The following LTV1 variants were observed in gnomAD, a reference collection of about 807,000 sequenced individuals.
LTV1 encodes protein LTV1 homolog.
LTV1 carries 39 observed loss-of-function variants against 59.9 expected under a neutral mutation model. The ratio of observed to expected loss-of-function variants is 0.65; its 90% CI spans 0.50 to 0.85. The LOEUF (loss-of-function observed/expected upper bound fraction) is 0.85, where lower values mean the gene tolerates loss of function less well. Ranked by LOEUF, LTV1 falls within the 40% of genes least tolerant of loss-of-function variation. The pLI, the probability that LTV1 is intolerant of heterozygous loss-of-function variation, is 0.00. For synonymous variants in LTV1, 171 were observed against 189.5 expected (o/e 0.90, Z 0.80); for missense variants, 493 against 549.1 (o/e 0.90, Z 1.02).
At chr6:143,856,981 T>C (rs1040991460) in intron 4 of LTV1, among the ~76,000 whole-genome samples, 2 of 152,172 alleles carry the variant, frequency 1.3e-5, no homozygotes, top group African/African-American at 4.8e-5. Context: ...GATCCGCTGC[T>C]CTCTTCAGAG....
intron 7 of LTV1, 22 bp downstream of exon 7, chr6:143,860,575 T>C (rs1239535168): frequency 1.9e-6 from 3 of 1,570,388 alleles, no homozygotes; most frequent in Non-Finnish European, 2.6e-6. Context: ...TTTCCTTCCT[T>C]GTTTAGCTGT....
Position 143,862,912 on chromosome 6 carries a change from C to T in LTV1, c.1116+16C>T, listed in dbSNP as rs749960369. On this transcript the variant is annotated intron_variant, in intron 9 of 10. Coordinates refer to ENST00000367576, the MANE Select transcript of LTV1 (RefSeq NM_032860.5). The surrounding 1 kb of genome is among the most constrained non-coding windows in gnomAD (Gnocchi z 4.2). ...TCAACCAAAGGTAAGTCCTAGTGTGCTGAGCTATTTGAAGGATGCAGTGCA... is the reference window on the plus strand; with the variant it reads ...TCAACCAAAGGTAAGTCCTAGTGTGTTGAGCTATTTGAAGGATGCAGTGCA... 4.4e-6 allele frequency: 7 copies of T among 1,583,056 alleles called. No homozygotes were observed. The highest frequency in any genetic ancestry group is 6.1e-6 in the Non-Finnish European group (7 of 1,152,058).
At chr6:143,844,102 C>T (rs1776848058) in intron 1 of LTV1, among the ~76,000 whole-genome samples, 6 of 152,222 alleles carry the variant, frequency 3.9e-5, no homozygotes, top group Admixed American at 3.9e-4. Context: ...TCTTGTCATT[C>T]TAGTTCAGTC....
In LTV1 at chr6:143,843,449, G is replaced by A. The variant is rs573385086; in HGVS notation, c.-29G>A. On this transcript the variant is annotated 5_prime_UTR_variant, in exon 1 of 11. Transcript: ENST00000367576. ...CTTCGAGGGTGTCATCGCCGCCCCT[G>A]TTGGGGGTGAGCGCCGCGCGGCTGC... The A allele has an allele frequency of 6.2e-7, 1 of 1,613,036 alleles. No individual in the cohort carries two copies. Among genetic ancestry groups the A allele is most frequent in the African/African-American group, 1.3e-5 (1 of 75,070 alleles).
Position 143,860,569 on chromosome 6 carries a change from C to G in LTV1, c.923+16C>G. 6.3e-7 allele frequency: 1 copy of G among 1,588,810 alleles called. No individual in the cohort carries two copies. The stretch of plus-strand genomic sequence containing the variant: ...AGGCAGAGAAGTATAGTGACTTTTC[C>G]TTCCTTGTTTAGCTGTTCTTTTTTT... On this transcript the variant is annotated intron_variant, in intron 7 of 10. Transcript: ENST00000367576.
In LTV1 at chr6:143,857,301, A is replaced by G; in HGVS notation, c.398-2A>G. On this transcript the variant is annotated splice_acceptor_variant, in intron 4 of 10. Transcript: ENST00000367576. LOFTEE classifies it high-confidence loss of function. This position sits in a 1 kb window ranked among gnomAD's most constrained non-coding sequence, Gnocchi z 5.2. ...ACTGCTTAATTTTTGTTTTCCTTCT[A>G]GGACCTCGACTGGATTTTGATCCTG... 6.2e-7 allele frequency: 1 copy of G among 1,613,702 alleles called. No homozygotes were observed. Among genetic ancestry groups the G allele is most frequent in the South Asian group, 1.1e-5 (1 of 91,050 alleles).
At position 143,844,526 on chromosome 6, in the gene LTV1, C is replaced by T; in HGVS notation, c.44C>T (p.Ala15Val). ...KKKPFIEKKKAVSFHLVHRSQ... is the reference protein window; with the variant it reads ...KKKPFIEKKKVVSFHLVHRSQ... Reference sequence around the variant, plus strand: ...AAGCCCTTTATAGAGAAGAAGAAAGCTGTGTCTTTTCACTTGGTCCACCGG... The same window carrying T: ...AAGCCCTTTATAGAGAAGAAGAAAGTTGTGTCTTTTCACTTGGTCCACCGG... Residue 15 changes from alanine (A) to valine (V), a missense_variant, in exon 2 of 11, where the codon GCT becomes GTT. Coordinates refer to ENST00000367576, the MANE Select transcript of LTV1 (RefSeq NM_032860.5). The T allele has an allele frequency of 6.2e-7, 1 of 1,614,020 alleles. No homozygotes were observed. Among genetic ancestry groups the T allele is most frequent in the Non-Finnish European group, 8.5e-7 (1 of 1,179,944 alleles).
rs560558002 is a variant in LTV1, at chr6:143,845,081, C to T, written c.135+464C>T. Among the ~76,000 whole-genome samples the T allele has an allele frequency of 1.5e-4, 23 of 152,220 alleles. No individual in the cohort carries two copies. The East Asian group carries it at 2.3e-3, about 15-fold the overall frequency. ...AACTGTGCTTTCTCTAAGATCCTGC[C>T]GTTTCATAACCGCAAACTGCATTTT... On this transcript the variant is annotated intron_variant, in intron 2 of 10. Transcript: ENST00000367576.
chr6:143,862,598 A>G lies in LTV1; in HGVS notation c.1064-246A>G, dbSNP rs527462522. Among the ~76,000 whole-genome samples, 3 of 152,288 alleles carry G rather than the reference A, an allele frequency of 2.0e-5. No individual in the cohort carries two copies. Among genetic ancestry groups the G allele is most frequent in the South Asian group, 4.1e-4 (2 of 4,828 alleles). On this transcript the variant is annotated intron_variant, in intron 8 of 10. Transcript: ENST00000367576. The surrounding 1 kb of genome is among the most constrained non-coding windows in gnomAD (Gnocchi z 4.2). The stretch of plus-strand genomic sequence containing the variant: ...CAAAACTCTGTCTAAAAAAAAACAT[A>G]TATCAACTTTGAAAAAATACATATA...
In LTV1 at chr6:143,844,576, G is replaced by T. The variant is rs764439550; in HGVS notation, c.94G>T (p.Asp32Tyr). 7 of 1,614,088 alleles carry T rather than the reference G, an allele frequency of 4.3e-6. No homozygotes were observed. The South Asian group carries it at 7.7e-5, about 18-fold the overall frequency. Reference protein sequence around the residue: ...HRSQRDPLAADESAPQRVLLP... With the variant: ...HRSQRDPLAAYESAPQRVLLP... ...GAGCCAACGAGATCCTTTAGCAGCA[G>T]ATGAGAGTGCACCCCAGAGGGTTCT... Residue 32 changes from aspartate (D) to tyrosine (Y), a missense_variant, in exon 2 of 11, where the codon GAT becomes TAT. Asp to Tyr is a radical substitution (Grantham distance 160). Transcript: ENST00000367576.
At chr6:143,851,126 C>A (rs1164754456) in intron 4 of LTV1, among the ~76,000 whole-genome samples, 3 of 151,964 alleles carry the variant, frequency 2.0e-5, no homozygotes, top group Non-Finnish European at 4.4e-5. Context: ...TTAGCCTGCC[C>A]AGAAGGAAGG....
chr6:143,844,893 A>G (rs555801977), intron 2 of LTV1, among the ~76,000 whole-genome samples: 2 of 152,214 alleles, frequency 1.3e-5, no homozygotes, highest in Non-Finnish European at 2.9e-5. Flanking sequence ...AATTTTCAGT[A>G]CAATTGGTGA....
intron 3 of LTV1, among the ~76,000 whole-genome samples, chr6:143,849,783 G>A (rs1003081670): frequency 6.6e-6 from 1 of 152,078 alleles, no homozygotes; most frequent in Admixed American, 6.6e-5. Flanking sequence ...AGCAGGTTTG[G>A]TTTTTTTCTT....
chr6:143,859,227 A>G (rs1777124871), intron 6 of LTV1, among the ~76,000 whole-genome samples: 1 of 152,198 alleles, frequency 6.6e-6, no homozygotes, highest in South Asian at 2.1e-4. Flanking sequence ...CATATACTCT[A>G]TTTGGTTCTG....
At position 143,862,283 on chromosome 6, in the gene LTV1, A is replaced by G; in HGVS notation, c.1063+40A>G. ...TTTATGATAGTAATTTTAAAGTATT[A>G]AAGTATATCAACTTTAGGCTGGGTG... On this transcript the variant is annotated intron_variant, in intron 8 of 10. Coordinates refer to ENST00000367576, the MANE Select transcript of LTV1 (RefSeq NM_032860.5). This position sits in a 1 kb window ranked among gnomAD's most constrained non-coding sequence, Gnocchi z 4.2. 6.3e-7 allele frequency: 1 copy of G among 1,580,176 alleles called. No homozygotes were observed. The highest frequency in any genetic ancestry group is 1.1e-5 in the South Asian group (1 of 89,076).
chr6:143,849,878 T>TA (rs1413115750), intron 3 of LTV1, among the ~76,000 whole-genome samples: 1 of 152,182 alleles, frequency 6.6e-6, no homozygotes. Context: ...TTCCTTGCCT[T>TA]ATAGAGGCCT....
rs747022277 is a variant in LTV1, at chr6:143,857,279, G to A, written c.398-24G>A. On this transcript the variant is annotated intron_variant, in intron 4 of 10. Transcript: ENST00000367576. The surrounding 1 kb of genome is among the most constrained non-coding windows in gnomAD (Gnocchi z 5.2). ...AATTGTTGCTATCTTGGGAATTACTGCTTAATTTTTGTTTTCCTTCTAGGA... is the reference window on the plus strand; with the variant it reads ...AATTGTTGCTATCTTGGGAATTACTACTTAATTTTTGTTTTCCTTCTAGGA... The A allele has an allele frequency of 2.5e-6, 4 of 1,612,088 alleles. No individual in the cohort carries two copies. Among genetic ancestry groups the A allele is most frequent in the Non-Finnish European group, 3.4e-6 (4 of 1,178,566 alleles).
At chr6:143,861,222 A>T (rs1777159231) in intron 7 of LTV1, among the ~76,000 whole-genome samples, 1 of 151,658 alleles carries the variant, frequency 6.6e-6, no homozygotes, top group Non-Finnish European at 1.5e-5. Flanking sequence ...TTTAACTTTT[A>T]TTTATTTTGC....
chr6:143,843,423 A>G lies in LTV1; in HGVS notation c.-55A>G, dbSNP rs926237194. The G allele has an allele frequency of 1.9e-6, 3 of 1,610,868 alleles. No homozygotes were observed. Among genetic ancestry groups the G allele is most frequent in the Admixed American group, 1.7e-5 (1 of 59,986 alleles). On this transcript the variant is annotated 5_prime_UTR_variant, in exon 1 of 11. Transcript: ENST00000367576. ...AGCTGGACCTTGGTCTCCCCGCCGGACTTCGAGGGTGTCATCGCCGCCCCT... is the reference window on the plus strand; with the variant it reads ...AGCTGGACCTTGGTCTCCCCGCCGGGCTTCGAGGGTGTCATCGCCGCCCCT...
Sources: gnomAD v4.1 joint callset for allele counts (sites outside exome capture counted in the v4.1 genomes callset) on GRCh38, gnomAD v4.1.1 for gene constraint, Gnocchi (gnomAD v3.1) non-coding constraint, MANE v1.5 for transcripts, NCBI Gene and HGNC (gene_info 2026-07-23, HGNC 2026-07-21) for gene names.